ALDH2: variants seen among roughly 807,000 people sequenced by gnomAD.
ALDH2 encodes aldehyde dehydrogenase, mitochondrial.
Under a neutral mutation model 59.6 loss-of-function variants are expected in ALDH2, and 44 were observed. The observed-to-expected ratio is 0.74, with a 90% confidence interval of 0.58 to 0.95. The LOEUF (loss-of-function observed/expected upper bound fraction) is 0.95, where lower values mean the gene tolerates loss of function less well. ALDH2 is among the 40% of genes least tolerant of loss of function. The pLI is 0.00. For missense variants in ALDH2, 570 were observed against 696.3 expected, an observed-to-expected ratio of 0.82 and a Z score of 2.04; for synonymous variants, 291 against 284.0, an observed-to-expected ratio of 1.02 and a Z score of -0.25.
In ALDH2 at chr12:111,809,794, G is replaced by T. The variant is rs909926299; in HGVS notation, c.*219G>T. ...GAACCTTTTAAACGACAACAATACTGCTAGCTTTCAGGATGATTTTTAAAA... is the reference window on the plus strand; with the variant it reads ...GAACCTTTTAAACGACAACAATACTTCTAGCTTTCAGGATGATTTTTAAAA... On this transcript the variant is annotated 3_prime_UTR_variant, in exon 13 of 13. Coordinates refer to ENST00000261733, the MANE Select transcript of ALDH2 (RefSeq NM_000690.4). 3.5e-6 allele frequency: 2 copies of T among 574,054 alleles called. No homozygotes were observed. The highest frequency in any genetic ancestry group is 3.8e-5 in the African/African-American group (2 of 53,012). 35.6% of individuals were successfully genotyped at this position (574,054 alleles called of 1,614,324 possible). A position where few individuals can be genotyped will look rare whatever the true frequency, so the allele number is the denominator to read the frequency against.
At chr12:111,790,287 A>G in intron 5 of ALDH2, 147 bp from the exon 6 acceptor site, 1 of 1,046,008 alleles carries the variant, frequency 9.6e-7, no homozygotes, top group Admixed American at 2.4e-5. Flanking sequence ...CATTCATCTT[A>G]AAACCACGAT....
intron 4 of ALDH2, among the ~76,000 whole-genome samples, chr12:111,785,878 T>C (rs1031413272): frequency 3.9e-5 from 6 of 152,226 alleles, no homozygotes; most frequent in African/African-American, 1.2e-4. Flanking sequence ...CTTGAGTCAC[T>C]TTTGGTACTT....
In ALDH2 at chr12:111,803,953, G is replaced by T; in HGVS notation, c.1501G>T (p.Ala501Ser). Reference sequence around the variant, plus strand: ...GGAGTTGGGCGAGTACGGGCTGCAGGCATACACTGAAGTGAAAACTGTGAG... The same window carrying T: ...GGAGTTGGGCGAGTACGGGCTGCAGTCATACACTGAAGTGAAAACTGTGAG... ...GRELGEYGLQ[A>S]YTEVKTVTVK... The change falls in exon 12 of 13, where the codon GCA becomes TCA. Residue 501 changes from alanine to serine, a missense_variant. Transcript: ENST00000261733. 1.2e-6 allele frequency: 2 copies of T among 1,610,810 alleles called. No individual in the cohort carries two copies. The highest frequency in any genetic ancestry group is 1.7e-6 in the Non-Finnish European group (2 of 1,178,352).
At chr12:111,785,841 G>T (rs577063216) in intron 4 of ALDH2, among the ~76,000 whole-genome samples, 2 of 152,336 alleles carry the variant, frequency 1.3e-5, no homozygotes, top group Admixed American at 1.3e-4. Flanking sequence ...CACAAATTGT[G>T]ATTAGTCATA....
intron 9 of ALDH2, among the ~76,000 whole-genome samples, chr12:111,794,014 ATTTTTTTTTTTT>A (rs543884211): frequency 9.7e-6 from 1 of 102,932 alleles, no homozygotes; most frequent in Non-Finnish European, 2.0e-5. Flanking sequence ...GCAACCACTG[ATTTTTTTTTTTT>A]TTTTTTTTTT....
intron 1 of ALDH2, among the ~76,000 whole-genome samples, chr12:111,767,664 G>T (rs977443511): frequency 6.6e-6 from 1 of 152,200 alleles, no homozygotes; most frequent in African/African-American, 2.4e-5. Context: ...CGACCCCAAG[G>T]GGTGTCTGCG....
At chr12:111,794,773 C>G (rs1256079973) in intron 9 of ALDH2, among the ~76,000 whole-genome samples, 1 of 152,124 alleles carries the variant, frequency 6.6e-6, no homozygotes, top group Non-Finnish European at 1.5e-5. Flanking sequence ...TCCCAAAGTC[C>G]TGGGATTGCA....
chr12:111,780,517 C>T (rs570358948), intron 1 of ALDH2, among the ~76,000 whole-genome samples: 86 of 152,274 alleles, frequency 5.6e-4, no homozygotes, highest in African/African-American at 1.8e-3. Context: ...GCTGGTCCTC[C>T]GGCTCTTCCT....
chr12:111,783,532 T>C (rs1030102107), intron 3 of ALDH2, among the ~76,000 whole-genome samples: 3 of 152,098 alleles, frequency 2.0e-5, no homozygotes, highest in Non-Finnish European at 4.4e-5. Flanking sequence ...TTTTTTGAGA[T>C]GGAGTCTCAC....
At chr12:111,770,143 C>CAA (rs5800933) in intron 1 of ALDH2, among the ~76,000 whole-genome samples, 279 of 137,614 alleles carry the variant, frequency 2.0e-3, no homozygotes, top group African/African-American at 5.4e-3. Flanking sequence ...GACTCCATCT[C>CAA]AAAAAAAAAA....
chr12:111,769,268 C>T (rs2068181694), intron 1 of ALDH2, among the ~76,000 whole-genome samples: 1 of 152,072 alleles, frequency 6.6e-6, no homozygotes, highest in Non-Finnish European at 1.5e-5. Context: ...ACTCTCTGGA[C>T]ATGGTCAGTC....
chr12:111,790,677 C>T, intron 6 of ALDH2, 115 bp downstream of exon 6: 1 of 1,393,420 alleles, frequency 7.2e-7, no homozygotes, highest in South Asian at 1.3e-5. Flanking sequence ...TGTGGAGCCC[C>T]CATCACCATG....
At chr12:111,775,375 T>C (rs2068227454) in intron 1 of ALDH2, among the ~76,000 whole-genome samples, 1 of 152,248 alleles carries the variant, frequency 6.6e-6, no homozygotes, top group South Asian at 2.1e-4. Context: ...GCTTCTCACT[T>C]GCTTGGTTTT....
chr12:111,804,618 G>A (rs898385131), intron 12 of ALDH2, among the ~76,000 whole-genome samples: 4 of 151,974 alleles, frequency 2.6e-5, no homozygotes, highest in Non-Finnish European at 5.9e-5. Context: ...GTGGTGGCGT[G>A]CGCCTGTAAT....
In ALDH2 at chr12:111,817,363, G is replaced by A. The variant is rs1333709064; in HGVS notation, c.*7788G>A. ...AGATTAACAGGAATCCATAGCCCAG[G>A]GATGCGACCCAAAATTATCAAAGTA... On this transcript the variant is annotated 3_prime_UTR_variant, in exon 13 of 13. Coordinates refer to ENST00000261733, the MANE Select transcript of ALDH2 (RefSeq NM_000690.4). The A allele has an allele frequency of 6.6e-6, 1 of 152,176 alleles. No individual in the cohort carries two copies. Among genetic ancestry groups the A allele is most frequent in the Non-Finnish European group, 1.5e-5 (1 of 68,036 alleles). The allele number at this position is 152,176 out of a possible 1,614,324, so 9.4% of individuals were successfully genotyped here. A position where few individuals can be genotyped will look rare whatever the true frequency, so the allele number is the denominator to read the frequency against.
chr12:111,809,427 C>A, intron 12 of ALDH2, 116 bp from the exon 13 acceptor site: 2 of 1,148,228 alleles, frequency 1.7e-6, no homozygotes, highest in South Asian at 1.3e-5. Flanking sequence ...GTACTCCAGT[C>A]TGGGGAGAAA....
At chr12:111,771,532 A>G (rs778711142) in intron 1 of ALDH2, among the ~76,000 whole-genome samples, 2 of 152,260 alleles carry the variant, frequency 1.3e-5, no homozygotes, top group African/African-American at 4.8e-5. Context: ...TGCATGTAGC[A>G]GTTACAAATC....
chr12:111,793,408 T>C (rs1373620222), intron 9 of ALDH2, among the ~76,000 whole-genome samples: 1 of 151,948 alleles, frequency 6.6e-6, no homozygotes, highest in African/African-American at 2.4e-5. Flanking sequence ...TGAGCAGTTG[T>C]AGGTTTATAG....
chr12:111,783,258 G>T lies in ALDH2; in HGVS notation c.320G>T (p.Arg107Leu), dbSNP rs141696414. ...TCACACAGGGGCCGGCTGCTGAACCGCCTGGCCGATCTGATCGAGCGGGAC... is the reference window on the plus strand; with the variant it reads ...TCACACAGGGGCCGGCTGCTGAACCTCCTGGCCGATCTGATCGAGCGGGAC... ...DASHRGRLLN[R>L]LADLIERDRT... The change falls in exon 3 of 13, where the codon CGC (arginine) becomes CTC (leucine). Residue 107 changes from arginine to leucine, a missense_variant. Transcript: ENST00000261733. The T allele has an allele frequency of 1.9e-6, 3 of 1,612,520 alleles. No individual in the cohort carries two copies. The highest frequency in any genetic ancestry group is 2.7e-5 in the African/African-American group (2 of 75,046).
Sources: allele counts gnomAD v4.1 joint callset (sites outside exome capture counted in the v4.1 genomes callset), GRCh38; gene constraint gnomAD v4.1.1; transcripts MANE v1.5; gene names NCBI Gene and HGNC (gene_info 2026-07-23, HGNC 2026-07-21).